IQSEC2: variants seen among roughly 807,000 people sequenced by gnomAD.
IQSEC2 encodes IQ motif and SEC7 domain-containing protein 2.
In IQSEC2, 6 loss-of-function variants were observed where a neutral mutation model predicts 74.6. The ratio of observed to expected loss-of-function variants is 0.08; its 90% CI spans 0.04 to 0.16. The LOEUF (loss-of-function observed/expected upper bound fraction) is 0.16. IQSEC2 is among the 10% of genes least tolerant of loss of function. The probability of loss-of-function intolerance (pLI) is 1.00; values close to 1 mark genes in which losing one functional copy is unlikely to be tolerated. For missense variants in IQSEC2, 734 were observed against 1,306.2 expected (o/e 0.56, Z 6.75); for synonymous variants, 494 against 544.5 (o/e 0.91, Z 1.29).
At chrX:53,295,401 G>A (rs2075140857) in intron 1 of IQSEC2, among the ~76,000 whole-genome samples, 1 of 109,802 alleles carries the variant, frequency 9.1e-6, no homozygotes, top group Non-Finnish European at 1.9e-5. Flanking sequence ...TCAGGAGATC[G>A]AAACCATCAT....
At chrX:53,279,544 G>C (rs782329296) in intron 2 of IQSEC2, 2 of 1,029,807 alleles carry the variant, frequency 1.9e-6, no homozygotes, top group East Asian at 6.1e-5. Context: ...AATTGGGGGA[G>C]GGATGGGTCT....
intron 2 of IQSEC2, among the ~76,000 whole-genome samples, chrX:53,289,177 A>G (rs4830366): frequency 5.2e-4 from 6 of 11,454 alleles, no homozygotes; most frequent in African/African-American, 1.2e-3. Context: ...CTCCACACAC[A>G]CATGAAGTTT....
intron 2 of IQSEC2, among the ~76,000 whole-genome samples, chrX:53,291,421 G>A (rs191122305): frequency 1.4e-4 from 16 of 111,417 alleles, no homozygotes; most frequent in East Asian, 5.6e-4. Context: ...TTTCCTTGTC[G>A]CCATAATGTA....
At chrX:53,241,988 G>T in intron 9 of IQSEC2, 79 bp from the exon 10 acceptor site, 1 of 1,123,589 alleles carries the variant, frequency 8.9e-7, no homozygotes, top group Non-Finnish European at 1.2e-6. Flanking sequence ...ACTTTCAACC[G>T]CAAGAAGTTT....
At chrX:53,279,637 G>A (rs1556870331) in intron 2 of IQSEC2, 1 of 1,187,169 alleles carries the variant, frequency 8.4e-7, no homozygotes, top group Non-Finnish European at 1.1e-6. Flanking sequence ...CAATACTGGT[G>A]TAGAGTATGA....
Position 53,233,802 on chromosome X carries a change from A to G in IQSEC2, c.*417T>C, listed in dbSNP as rs1602255703. Reference sequence around the variant, plus strand: ...AGCCCCACACGGCCAGAGGAGCCCCAGGGAAGCCTTCACCCCGACAGCTCC... The same window carrying G: ...AGCCCCACACGGCCAGAGGAGCCCCGGGGAAGCCTTCACCCCGACAGCTCC... On this transcript the variant is annotated 3_prime_UTR_variant, in exon 15 of 15. Coordinates refer to ENST00000642864, the MANE Select transcript of IQSEC2 (RefSeq NM_001111125.3). The G allele has an allele frequency of 1.3e-5, 4 of 297,392 alleles. No homozygotes were observed. In the East Asian group the frequency reaches 1.9e-4, roughly 14 times the overall value. The allele number at this position is 297,392 out of a possible 1,213,427, so 24.5% of individuals were successfully genotyped here. A position where few individuals can be genotyped will look rare whatever the true frequency, so the allele number is the denominator to read the frequency against.
chrX:53,278,478 T>C (rs1556870033), intron 2 of IQSEC2, among the ~76,000 whole-genome samples: 1 of 112,246 alleles, frequency 8.9e-6, no homozygotes, highest in Non-Finnish European at 1.9e-5. Context: ...CATATTTACT[T>C]ACTTATTAAT....
At chrX:53,227,605 C>A, downstream of IQSEC2, 1 of 311,594 alleles carries the variant, frequency 3.2e-6, no homozygotes, top group Non-Finnish European at 5.7e-6. Flanking sequence ...TGGCTGTGAC[C>A]GTGATGGTGG....
downstream of IQSEC2, chrX:53,232,748 G>A (rs1044345309): frequency 8.9e-6 from 1 of 111,868 alleles, no homozygotes; most frequent in Non-Finnish European, 1.9e-5. Context: ...CTCCCTCCAA[G>A]CAAAGCATCT....
In IQSEC2 at chrX:53,233,660, A is replaced by C. The variant is rs782730100; in HGVS notation, c.*559T>G. 1 of 273,280 alleles carries C rather than the reference A, an allele frequency of 3.7e-6. No individual in the cohort carries two copies. Among genetic ancestry groups the C allele is most frequent in the Non-Finnish European group, 6.4e-6 (1 of 155,543 alleles). 22.5% of individuals were successfully genotyped at this position (273,280 alleles called of 1,213,427 possible). ...AGGGTCCCACCCACCAAGTGCATCA[A>C]TGGTCCGTGTCCTCCAGCAGGCAAA... is the stretch of plus-strand genomic sequence containing the variant. On this transcript the variant is annotated 3_prime_UTR_variant, in exon 15 of 15. Transcript: ENST00000642864.
chrX:53,290,070 G>C (rs1006295839), intron 2 of IQSEC2, among the ~76,000 whole-genome samples: 5 of 111,634 alleles, frequency 4.5e-5, no homozygotes, highest in Admixed American at 1.9e-4. Flanking sequence ...TGATGGTATG[G>C]GTAGCACTCT....
chrX:53,279,736 G>A (rs1301675164), intron 2 of IQSEC2: 10 of 597,386 alleles, frequency 1.7e-5, no homozygotes, highest in African/African-American at 4.6e-5. Flanking sequence ...GGCGATGGGG[G>A]CAAGAAGGTG....
At chrX:53,272,141 G>A (rs1471243464) in intron 2 of IQSEC2, among the ~76,000 whole-genome samples, 1 of 110,262 alleles carries the variant, frequency 9.1e-6, no homozygotes, top group Non-Finnish European at 1.9e-5. Flanking sequence ...CCAGCTCTTA[G>A]GCTGAGTTGA....
intron 2 of IQSEC2, among the ~76,000 whole-genome samples, chrX:53,268,130 A>G (rs1254647959): frequency 9.0e-6 from 1 of 111,297 alleles, no homozygotes; most frequent in Non-Finnish European, 1.9e-5. Context: ...GGACCAGGTG[A>G]CTTGGGAGTG....
intron 1 of IQSEC2, among the ~76,000 whole-genome samples, chrX:53,306,352 G>T (rs1429708578): frequency 8.9e-6 from 1 of 111,914 alleles, no homozygotes; most frequent in Non-Finnish European, 1.9e-5. Context: ...TCCAGAGGGA[G>T]GCAGGGGCAG....
chrX:53,266,806 G>A, intron 2 of IQSEC2: 1 of 1,063,153 alleles, frequency 9.4e-7, no homozygotes, highest in Non-Finnish European at 1.2e-6. Context: ...GGAATTCCAA[G>A]AAGAAGGTGG....
At chrX:53,258,705 A>C (rs1033878154) in intron 2 of IQSEC2, among the ~76,000 whole-genome samples, 2 of 108,883 alleles carry the variant, frequency 1.8e-5, no homozygotes, top group Non-Finnish European at 3.8e-5. Context: ...AAATACAAAA[A>C]TTAGCCGGGC....
At chrX:53,245,433 A>AT (rs1486383014) in intron 8 of IQSEC2, among the ~76,000 whole-genome samples, 7 of 44,307 alleles carry the variant, frequency 1.6e-4, no homozygotes, top group East Asian at 1.2e-3. Flanking sequence ...GTCTCTAAAA[A>AT]TAAAAAAAAA....
intron 2 of IQSEC2, among the ~76,000 whole-genome samples, chrX:53,259,535 T>C (rs1602300307): frequency 9.3e-6 from 1 of 107,359 alleles, no homozygotes; most frequent in Non-Finnish European, 1.9e-5. Flanking sequence ...GCATGGTGGC[T>C]CAGGCCCATA....
Sources: allele counts gnomAD v4.1 joint callset (sites outside exome capture counted in the v4.1 genomes callset), GRCh38; gene constraint gnomAD v4.1.1; transcripts MANE v1.5; gene names NCBI Gene and HGNC (gene_info 2026-07-23, HGNC 2026-07-21).